ADARB1: variants seen among roughly 807,000 people sequenced by gnomAD.
ADARB1 encodes adenosine deaminase RNA specific B1.
In ADARB1, 10 loss-of-function variants were observed where a neutral mutation model predicts 52.4. The observed-to-expected ratio is 0.19, with a 90% CI of 0.12 to 0.32. ADARB1 has a LOEUF of 0.32. Ranked by LOEUF, ADARB1 falls within the 10% of genes least tolerant of loss-of-function variation. The pLI is 1.00. For missense variants in ADARB1, 643 were observed against 922.3 expected (o/e 0.70, Z 3.92); for synonymous variants, 349 against 371.1 (o/e 0.94, Z 0.68).
At chr21:45,210,690 C>A (rs1006965140) in intron 9 of ADARB1, among the ~76,000 whole-genome samples, 11 of 152,346 alleles carry the variant, frequency 7.2e-5, no homozygotes, top group Admixed American at 5.2e-4. Context: ...CAGCTCACAG[C>A]CATATTCCAC....
intron 1 of ADARB1, among the ~76,000 whole-genome samples, chr21:45,123,595 G>A (rs541566488): frequency 6.6e-6 from 1 of 152,236 alleles, no homozygotes; most frequent in Admixed American, 6.5e-5. Flanking sequence ...GTGAGCCATC[G>A]TGCTGGCCTT....
At chr21:45,214,936 T>G (rs1183489110) in intron 9 of ADARB1, among the ~76,000 whole-genome samples, 2 of 152,220 alleles carry the variant, frequency 1.3e-5, no homozygotes, top group Non-Finnish European at 2.9e-5. Flanking sequence ...GGACCTCCAG[T>G]ACAATGTTGA....
rs909701674 is a variant in ADARB1 at position 45,172,447 on chromosome 21, G to A, written c.28+763G>A. On this transcript the variant is annotated intron_variant, in intron 3 of 10. Transcript: ENST00000348831. This position sits in a 1 kb window ranked among gnomAD's most constrained non-coding sequence, Gnocchi z 4.4. ...TAACATGCAGCTGTCAATGATGAGT[G>A]ACATGTCACTGGGAGTGATTATTGA... Among the ~76,000 whole-genome samples, 2 of 152,202 alleles carry A rather than the reference G, an allele frequency of 1.3e-5. No individual in the cohort carries two copies. Among genetic ancestry groups the A allele is most frequent in the Admixed American group, 6.5e-5 (1 of 15,284 alleles).
chr21:45,186,981 T>G (rs1037211771), intron 8 of ADARB1, among the ~76,000 whole-genome samples: 2 of 152,226 alleles, frequency 1.3e-5, no homozygotes, highest in African/African-American at 4.8e-5. Flanking sequence ...AACTTTATTC[T>G]TCTTTTTTCA....
At chr21:45,148,008 C>G (rs1379224173) in intron 2 of ADARB1, among the ~76,000 whole-genome samples, 1 of 152,088 alleles carries the variant, frequency 6.6e-6, no homozygotes, top group Non-Finnish European at 1.5e-5. Context: ...ACAGCCCTCT[C>G]GAACTCACCC....
chr21:45,076,203 G>A (rs1279695581), intron 1 of ADARB1, among the ~76,000 whole-genome samples: 1 of 152,228 alleles, frequency 6.6e-6, no homozygotes, highest in Admixed American at 6.5e-5. Context: ...AAGGAAGAAA[G>A]GATAAAAGCT....
intron 8 of ADARB1, among the ~76,000 whole-genome samples, chr21:45,202,320 G>C (rs1218597303): frequency 6.6e-6 from 1 of 152,172 alleles, no homozygotes; most frequent in East Asian, 1.9e-4. Flanking sequence ...AGCAGGGTGA[G>C]GGTGACCCCA....
intron 9 of ADARB1, among the ~76,000 whole-genome samples, chr21:45,209,004 G>C (rs2092718499): frequency 6.6e-6 from 1 of 152,148 alleles, no homozygotes; most frequent in East Asian, 1.9e-4. Context: ...CTTCCGACTG[G>C]TGGGAAGTTC....
rs1277788138 is a variant in ADARB1 at position 45,224,301 on chromosome 21, G to C, written c.*2104G>C. ...GTCAGGTAATAGCTAAAGTCAGCAT[G>C]ATTGCTCCCTGTACCACCCCAAATA... On this transcript the variant is annotated 3_prime_UTR_variant, in exon 11 of 11. Coordinates refer to ENST00000348831, the MANE Select transcript of ADARB1 (RefSeq NM_001112.4). The C allele has an allele frequency of 1.0e-6, 1 of 985,390 alleles. No individual in the cohort carries two copies. Among genetic ancestry groups the C allele is most frequent in the Non-Finnish European group, 1.2e-6 (1 of 830,020 alleles). The allele number at this position is 985,390 out of a possible 1,614,324, so 61.0% of individuals were successfully genotyped here.
rs563520061 is a variant in ADARB1, at chr21:45,204,717, C to T, written c.1728C>T (p.Leu576=). The change falls in exon 9 of 11, where the codon CTC becomes CTT. Residue 576 remains leucine (L), a synonymous_variant. Transcript: ENST00000348831. The surrounding 1 kb of genome is among the most constrained non-coding windows in gnomAD (Gnocchi z 4.4). ...AGGACCTGCCACCTCTCTACACCCT[C>T]AACAAGCCTTTGCTCAGTGGCAAGT... ...NIEDLPPLYT[L]NKPLLSGISN... is the part of the protein sequence containing the mutation. 1 of 1,614,086 alleles carries T rather than the reference C, an allele frequency of 6.2e-7. No homozygotes were observed.
At chr21:45,146,687 A>T (rs1397193125) in intron 2 of ADARB1, among the ~76,000 whole-genome samples, 1 of 152,208 alleles carries the variant, frequency 6.6e-6, no homozygotes, top group African/African-American at 2.4e-5. Context: ...TGAAAACGTG[A>T]GTGTGTCCAG....
chr21:45,166,160 G>A (rs1324364644), intron 2 of ADARB1, among the ~76,000 whole-genome samples: 3 of 152,054 alleles, frequency 2.0e-5, no homozygotes, highest in African/African-American at 4.8e-5. Context: ...AAAAGGGTAG[G>A]TATGCTCATT....
Position 45,221,103 on chromosome 21 carries a change from T to C in ADARB1, c.1926+89T>C. 1 of 1,370,248 alleles carries C rather than the reference T, an allele frequency of 7.3e-7. No individual in the cohort carries two copies. The highest frequency in any genetic ancestry group is 1.4e-5 in the South Asian group (1 of 71,746). The allele number at this position is 1,370,248 out of a possible 1,614,324, so 84.9% of individuals were successfully genotyped here. A position where few individuals can be genotyped will look rare whatever the true frequency, so the allele number is the denominator to read the frequency against. ...ACCTACTGTTCCTTAAGTTGTTTCA[T>C]CATGTCATCATGCACAGCTTCCGAA... On this transcript the variant is annotated intron_variant, in intron 10 of 10. Transcript: ENST00000348831. The surrounding 1 kb of genome is among the most constrained non-coding windows in gnomAD (Gnocchi z 4.9).
intron 2 of ADARB1, among the ~76,000 whole-genome samples, chr21:45,134,198 T>C (rs1468472100): frequency 7.3e-5 from 4 of 54,586 alleles, no homozygotes; most frequent in Admixed American, 2.4e-4. Flanking sequence ...GTGCGCCCGA[T>C]GGGTGTGTGT....
At chr21:45,112,424 G>A (rs574540003) in intron 1 of ADARB1, among the ~76,000 whole-genome samples, 21 of 152,090 alleles carry the variant, frequency 1.4e-4, no homozygotes, top group African/African-American at 5.1e-4. Flanking sequence ...CCCTATCCCT[G>A]GGGCTCCTCA....
At chr21:45,219,148 T>C (rs2092919114) in intron 9 of ADARB1, among the ~76,000 whole-genome samples, 1 of 152,156 alleles carries the variant, frequency 6.6e-6, no homozygotes, top group African/African-American at 2.4e-5. Context: ...TTTAAAGATA[T>C]AAACATTATT....
rs2092625123 is a variant in ADARB1, at chr21:45,204,407, G to A, written c.1566-148G>A. 1.5e-6 allele frequency: 1 copy of A among 672,318 alleles called. No homozygotes were observed. Among genetic ancestry groups the A allele is most frequent in the Non-Finnish European group, 2.5e-6 (1 of 396,458 alleles). The allele number at this position is 672,318 out of a possible 1,614,324, so 41.6% of individuals were successfully genotyped here. ...TTTGTGATCGTAAGCTGCTAAATCA[G>A]TCTGTTAACTTTTTGTTGCACTCCT... On this transcript the variant is annotated intron_variant, in intron 8 of 10. Transcript: ENST00000348831. The surrounding 1 kb of genome is among the most constrained non-coding windows in gnomAD (Gnocchi z 4.4).
At position 45,144,502 on chromosome 21, in the gene ADARB1, G is replaced by A. The variant is rs372841142; in HGVS notation, c.-48+15929G>A. The A allele has an allele frequency of 2.2e-5, 6 of 267,176 alleles. No homozygotes were observed. In the East Asian group the frequency reaches 6.0e-4, roughly 27 times the overall value. The allele number at this position is 267,176 out of a possible 1,614,324, so 16.6% of individuals were successfully genotyped here. ...AGCTTTAAGGTATCTTATTAAAATT[G>A]TAAACTGTCAGTTTAATCATCATAG... On this transcript the variant is annotated intron_variant, in intron 2 of 10. Transcript: ENST00000348831.
At position 45,204,008 on chromosome 21, in the gene ADARB1, C is replaced by T. The variant is rs1300621963; in HGVS notation, c.1566-547C>T. Among the ~76,000 whole-genome samples, 1 of 152,206 alleles carries T rather than the reference C, an allele frequency of 6.6e-6. No individual in the cohort carries two copies. Among genetic ancestry groups the T allele is most frequent in the Non-Finnish European group, 1.5e-5 (1 of 68,050 alleles). Reference sequence around the variant, plus strand: ...TGACTTGAACACAAGCACAGTGATGCTGTGGCCATCAATCTTATCACCAAG... The same window carrying T: ...TGACTTGAACACAAGCACAGTGATGTTGTGGCCATCAATCTTATCACCAAG... On this transcript the variant is annotated intron_variant, in intron 8 of 10. Coordinates refer to ENST00000348831, the MANE Select transcript of ADARB1 (RefSeq NM_001112.4). This position sits in a 1 kb window ranked among gnomAD's most constrained non-coding sequence, Gnocchi z 4.4.
Sources: gnomAD v4.1 joint callset for allele counts (sites outside exome capture counted in the v4.1 genomes callset) on GRCh38, gnomAD v4.1.1 for gene constraint, Gnocchi (gnomAD v3.1) non-coding constraint, MANE v1.5 for transcripts, NCBI Gene and HGNC (gene_info 2026-07-23, HGNC 2026-07-21) for gene names.